MUC5AC: variants seen among roughly 807,000 people sequenced by gnomAD.
The protein encoded by MUC5AC is mucin-5AC.
A neutral mutation model predicts 169.7 loss-of-function variants in MUC5AC; 158 were observed. The observed-to-expected ratio is 0.93, with a 90% CI of 0.82 to 1.06. The LOEUF is 1.06. MUC5AC is among the 50% of genes least tolerant of loss of function. The pLI, the probability that MUC5AC is intolerant of heterozygous loss-of-function variation, is 0.00. For synonymous variants in MUC5AC, 1,975 were observed against 1,237.0 expected, an observed-to-expected ratio of 1.60 and a Z score of -12.52; for missense variants, 4,359 against 3,089.9, an observed-to-expected ratio of 1.41 and a Z score of -9.74.
Position 1,173,736 on chromosome 11 carries a change from TCACTCACTCACTCATCCACTCACTCATC to T in MUC5AC, c.1966-734_1966-707del, listed in dbSNP as rs1411536938. 6.0e-5 allele frequency among the ~76,000 whole-genome samples: 9 copies of T among 150,110 alleles called. No homozygotes were observed. The East Asian group carries it at 1.4e-3, about 23-fold the overall frequency. ...CTCATTCATTCACGCACTCATCCAC[TCACTCACTCACTCATCCACTCACTCATC>T]CACTCACTCACTCATCCACTCACTC... On this transcript the variant is annotated intron_variant, in intron 16 of 48. Coordinates refer to ENST00000621226, the MANE Select transcript of MUC5AC (RefSeq NM_001304359.2).
In MUC5AC at chr11:1,187,098, A is replaced by C; in HGVS notation, c.8953A>C (p.Thr2985Pro). 1 of 735,140 alleles carries C rather than the reference A, an allele frequency of 1.4e-6. No homozygotes were observed. The highest frequency in any genetic ancestry group is 2.5e-6 in the Non-Finnish European group (1 of 403,562). 45.5% of individuals were successfully genotyped at this position (735,140 alleles called of 1,614,324 possible). The change falls in exon 31 of 49, where the codon ACC becomes CCC. Residue 2985 changes from threonine (T) to proline (P), a missense_variant. Physicochemically the swap from Thr to Pro is conservative, Grantham distance 38. Coordinates refer to ENST00000621226, the MANE Select transcript of MUC5AC (RefSeq NM_001304359.2). ...TGGAACTACTCCCAGCCCTGTTCCC[A>C]CCACCAGCACAACCTCTGCTCCCAC... The part of the protein sequence containing the change: ...GPGTTPSPVP[T>P]TSTTSAPTTS...
intron 9 of MUC5AC, 93 bp from the exon 10 acceptor site, chr11:1,165,209 C>A: frequency 3.2e-6 from 4 of 1,242,154 alleles, no homozygotes; most frequent in Non-Finnish European, 4.5e-6. Context: ...GGCTGAGGCC[C>A]CAGCTCGCTG....
Position 1,197,488 on chromosome 11 carries a change from G to A in MUC5AC, c.15882G>A (p.Met5294Ile). ...EPVKVGHTVG[M>I]DCQECTCEAA... ...TGCAGGTGGGCCACACCGTCGGCAT[G>A]GACTGCCAGGAGTGCACGTGTGAGG... Residue 5294 changes from methionine to isoleucine, a missense_variant, in exon 41 of 49, where the codon ATG becomes ATA. Met to Ile is a conservative substitution (Grantham distance 10, BLOSUM62 1). Transcript: ENST00000621226. 1.4e-6 allele frequency: 1 copy of A among 716,910 alleles called. No individual in the cohort carries two copies. The highest frequency in any genetic ancestry group is 2.5e-6 in the Non-Finnish European group (1 of 394,596). 44.4% of individuals were successfully genotyped at this position (716,910 alleles called of 1,614,324 possible).
At chr11:1,181,218 G>A in intron 29 of MUC5AC, 36 bp downstream of exon 29, 1 of 398,456 alleles carries the variant, frequency 2.5e-6, no homozygotes, top group East Asian at 3.6e-5. Context: ...TGGGGTCCGG[G>A]GGTCTCTGTC....
At position 1,187,459 on chromosome 11, in the gene MUC5AC, C is replaced by A; in HGVS notation, c.9314C>A (p.Thr3105Lys). ...ACAACCAGCACAACGTCTGCTCCTA[C>A]AACCAGCACAACCTCTGCCTCTACA... ...APTTSTTSAP[T>K]TSTTSASTAS... is the part of the protein sequence containing the mutation. Residue 3105 changes from threonine to lysine, a missense_variant, in exon 31 of 49, where the codon ACA becomes AAA. By Grantham distance (78) the Thr-to-Lys change is moderately conservative. Transcript: ENST00000621226. The A allele has an allele frequency of 1.4e-6, 1 of 731,268 alleles. No homozygotes were observed. The highest frequency in any genetic ancestry group is 1.4e-5 in the South Asian group (1 of 70,274). The allele number at this position is 731,268 out of a possible 1,614,324, so 45.3% of individuals were successfully genotyped here. A position where few individuals can be genotyped will look rare whatever the true frequency, so the allele number is the denominator to read the frequency against.
intron 42 of MUC5AC, 98 bp from the exon 43 acceptor site, chr11:1,198,170 C>T (rs998480065): frequency 3.4e-5 from 24 of 701,052 alleles, no homozygotes; most frequent in Middle Eastern, 2.4e-4. Flanking sequence ...GTGGCGAGCC[C>T]GGGAATGAGG....
intron 24 of MUC5AC, 29 bp from the exon 25 acceptor site, chr11:1,178,415 C>CA: frequency 2.0e-6 from 1 of 501,150 alleles, no homozygotes; most frequent in Non-Finnish European, 3.2e-6. Context: ...TTGCTGCACC[C>CA]ACCTCCACCT....
chr11:1,161,860 C>A (rs537590885), intron 3 of MUC5AC, 47 bp from the exon 4 acceptor site: 3 of 1,579,676 alleles, frequency 1.9e-6, no homozygotes, highest in South Asian at 2.3e-5. Flanking sequence ...GGGTGCAGGG[C>A]GAGGATGAGG....
intron 15 of MUC5AC, among the ~76,000 whole-genome samples, chr11:1,169,749 T>TCACTCACCTCACTCACTCGCC (rs1860442764): frequency 7.5e-6 from 1 of 132,982 alleles, no homozygotes; most frequent in Non-Finnish European, 1.6e-5. Flanking sequence ...ATTCGCTCAC[T>TCACTCACCTCACTCACTCGCC]CACTCACCTC....
rs2133741977 is a variant in MUC5AC at position 1,175,259 on chromosome 11, C to A, written c.2390C>A (p.Ala797Asp). 1 of 398,716 alleles carries A rather than the reference C, an allele frequency of 2.5e-6. No homozygotes were observed. Among genetic ancestry groups the A allele is most frequent in the East Asian group, 3.6e-5 (1 of 28,078 alleles). 24.7% of individuals were successfully genotyped at this position (398,716 alleles called of 1,614,324 possible). A position where few individuals can be genotyped will look rare whatever the true frequency, so the allele number is the denominator to read the frequency against. ...HGKLSCIGGQ[A>D]PAPVCAAPMV... ...AAGCTGAGCTGCATCGGAGGCCAAGCCCCCGCCCCAGGTGAGTGCCAGAAA... is the reference window on the plus strand; with the variant it reads ...AAGCTGAGCTGCATCGGAGGCCAAGACCCCGCCCCAGGTGAGTGCCAGAAA... Residue 797 changes from alanine to aspartate, a missense_variant, in exon 19 of 49, where the codon GCC becomes GAC. Ala to Asp is a moderately radical substitution (Grantham distance 126). Coordinates refer to ENST00000621226, the MANE Select transcript of MUC5AC (RefSeq NM_001304359.2).
In MUC5AC at chr11:1,200,596, C is replaced by T. The variant is rs781388101; in HGVS notation, c.16859C>T (p.Pro5620Leu). ...EECGCMGRRCPAPGDTQHSEE... is the reference protein window; with the variant it reads ...EECGCMGRRCLAPGDTQHSEE... ...TGCGGCTGCATGGGCCGGCGGTGCC[C>T]TGCGCCGGGCGACACCCAGCACTCG... Residue 5620 changes from proline (P) to leucine (L), a missense_variant, in exon 49 of 49, where the codon CCT becomes CTT. By Grantham distance (98) the Pro-to-Leu change is moderately conservative. Coordinates refer to ENST00000621226, the MANE Select transcript of MUC5AC (RefSeq NM_001304359.2). 1 of 764,484 alleles carries T rather than the reference C, an allele frequency of 1.3e-6. No homozygotes were observed. The allele number at this position is 764,484 out of a possible 1,614,324, so 47.4% of individuals were successfully genotyped here.
chr11:1,169,830 C>CCATT (rs1860446418), intron 15 of MUC5AC, among the ~76,000 whole-genome samples: 5 of 136,638 alleles, frequency 3.7e-5, no homozygotes, highest in Admixed American at 7.2e-5. Context: ...ACCCATTCAC[C>CCATT]CACTCACTCA....
rs1050702969 is a variant in MUC5AC at position 1,162,169 on chromosome 11, G to A, written c.473+1G>A. On this transcript the variant is annotated splice_donor_variant, in intron 4 of 48. Coordinates refer to ENST00000621226, the MANE Select transcript of MUC5AC (RefSeq NM_001304359.2). LOFTEE classifies it high-confidence loss of function. ...GCTCCGTCCTGGTCAACGGCCACCC[G>A]TGAGTCTGGGTTCTGGGATGGTGGG... 5.0e-6 allele frequency: 8 copies of A among 1,608,346 alleles called. No individual in the cohort carries two copies. Among genetic ancestry groups the A allele is most frequent in the African/African-American group, 2.7e-5 (2 of 74,842 alleles).
chr11:1,189,635 C>T lies in MUC5AC; in HGVS notation c.11490C>T (p.Ser3830=), dbSNP rs1861037596. ...QTSTTSSPTT[S]TTSAPTTSTT... is the part of the protein sequence containing the mutation. ...GCACAACCTCTTCCCCTACAACTAG[C>T]ACAACCTCAGCTCCTACAACCAGCA... The change falls in exon 31 of 49, where the codon AGC becomes AGT. Residue 3830 remains serine (S), a synonymous_variant. Transcript: ENST00000621226. The T allele has an allele frequency of 1.6e-6, 1 of 625,556 alleles. No homozygotes were observed. Among genetic ancestry groups the T allele is most frequent in the Admixed American group, 2.7e-5 (1 of 36,470 alleles). 38.8% of individuals were successfully genotyped at this position (625,556 alleles called of 1,614,324 possible). A position where few individuals can be genotyped will look rare whatever the true frequency, so the allele number is the denominator to read the frequency against.
chr11:1,192,690 G>A (rs1590150049), intron 31 of MUC5AC, 93 bp from the exon 32 acceptor site: 1 of 691,252 alleles, frequency 1.4e-6, no homozygotes, highest in Admixed American at 2.0e-5. Flanking sequence ...CCATTACACA[G>A]GTGGTAGAAA....
In MUC5AC at chr11:1,195,286, C is replaced by G; in HGVS notation, c.15458+7C>G. ...GCCAGCTGATTCTGAGCAAGTGAGA[C>G]TTGGGTGCAAGGGAGGGAGGGTCAG... On this transcript the variant is annotated splice_region_variant and intron_variant, in intron 36 of 48. Coordinates refer to ENST00000621226, the MANE Select transcript of MUC5AC (RefSeq NM_001304359.2). The G allele has an allele frequency of 2.6e-6, 2 of 759,308 alleles. No individual in the cohort carries two copies. Among genetic ancestry groups the G allele is most frequent in the Non-Finnish European group, 4.8e-6 (2 of 413,072 alleles). The allele number at this position is 759,308 out of a possible 1,614,324, so 47.0% of individuals were successfully genotyped here. A position where few individuals can be genotyped will look rare whatever the true frequency, so the allele number is the denominator to read the frequency against.
rs372731051 is a variant in MUC5AC, at chr11:1,160,642, G to A, written c.104G>A (p.Ser35Asn). 3.7e-6 allele frequency: 6 copies of A among 1,610,342 alleles called. No homozygotes were observed. The highest frequency in any genetic ancestry group is 2.7e-5 in the African/African-American group (2 of 74,918). Reference sequence around the variant, plus strand: ...GCCCAGGATGGCTCCTCCGAATCCAGCTACAAGCACCACCCTGCCCTCTCT... The same window carrying A: ...GCCCAGGATGGCTCCTCCGAATCCAACTACAAGCACCACCCTGCCCTCTCT... ...GHAQDGSSES[S>N]YKHHPALSPI... The change falls in exon 2 of 49, where the codon AGC becomes AAC. Residue 35 changes from serine (S) to asparagine (N), a missense_variant. Coordinates refer to ENST00000621226, the MANE Select transcript of MUC5AC (RefSeq NM_001304359.2).
Position 1,168,911 on chromosome 11 carries a change from C to G in MUC5AC, c.1755C>G (p.Leu585=), listed in dbSNP as rs1438672725. 6.2e-7 allele frequency: 1 copy of G among 1,610,806 alleles called. No homozygotes were observed. The highest frequency in any genetic ancestry group is 1.1e-5 in the South Asian group (1 of 90,854). Reference sequence around the variant, plus strand: ...TCCAGGCCGATGACTTCCGGACCCTCAGTGGGGTGGTGGAGGCCACCGCTG... The same window carrying G: ...TCCAGGCCGATGACTTCCGGACCCTGAGTGGGGTGGTGGAGGCCACCGCTG... ...NSIQADDFRT[L]SGVVEATAAA... The change falls in exon 15 of 49, where the codon CTC becomes CTG. Residue 585 remains leucine, a synonymous_variant. Transcript: ENST00000621226.
At chr11:1,165,865 AC>A in intron 11 of MUC5AC, 105 bp downstream of exon 11, 1 of 1,515,954 alleles carries the variant, frequency 6.6e-7, no homozygotes. Flanking sequence ...CCCTGGGGTC[AC>A]CCTTGGGGGT....
Sources: gnomAD v4.1 joint callset for allele counts (sites outside exome capture counted in the v4.1 genomes callset) on GRCh38, gnomAD v4.1.1 for gene constraint, MANE v1.5 for transcripts, NCBI Gene and HGNC (gene_info 2026-07-23, HGNC 2026-07-21) for gene names.